The following ENOX1 variants were observed in gnomAD, a reference collection of about 807,000 sequenced individuals.
ENOX1 encodes ecto-NOX disulfide-thiol exchanger 1, also known as candidate growth-related and time keeping constitutive hydroquinone (NADH) oxidase.
A neutral mutation model predicts 82.5 loss-of-function variants in ENOX1; 42 were observed. The ratio of observed to expected loss-of-function variants is 0.51; its 90% CI spans 0.40 to 0.66. ENOX1 has a LOEUF of 0.66. ENOX1 is among the 30% of genes least tolerant of loss of function. The probability of loss-of-function intolerance (pLI) is 0.00; values close to 1 mark genes in which losing one functional copy is unlikely to be tolerated. For missense variants in ENOX1, 608 were observed against 811.6 expected (o/e 0.75, Z 3.05); for synonymous variants, 271 against 282.2 (o/e 0.96, Z 0.40).
chr13:43,638,666 C>T (rs2083504919), intron 2 of ENOX1, among the ~76,000 whole-genome samples: 1 of 152,130 alleles, frequency 6.6e-6, no homozygotes, highest in South Asian at 2.1e-4. Context: ...GTATTTTATT[C>T]TCCAAGGCTG....
chr13:43,705,330 C>CTCTCTCTATATATA (rs141765196), intron 1 of ENOX1, among the ~76,000 whole-genome samples: 27 of 129,848 alleles, frequency 2.1e-4, no homozygotes, highest in African/African-American at 7.8e-4. Context: ...CTCTCTCTCT[C>CTCTCTCTATATATA]TATATATATA....
intron 2 of ENOX1, among the ~76,000 whole-genome samples, chr13:43,555,294 T>A (rs1035337152): frequency 6.6e-6 from 1 of 152,248 alleles, no homozygotes; most frequent in Non-Finnish European, 1.5e-5. Context: ...TCCTCAACCA[T>A]CTGTGTTCTC....
At chr13:43,323,981 A>G (rs1347925397) in intron 10 of ENOX1, among the ~76,000 whole-genome samples, 3 of 152,218 alleles carry the variant, frequency 2.0e-5, no homozygotes, top group African/African-American at 7.2e-5. Flanking sequence ...GCAGAGAGAC[A>G]AGGTCCGAGG....
At chr13:43,768,651 A>G (rs567402238) in intron 1 of ENOX1, among the ~76,000 whole-genome samples, 2 of 152,322 alleles carry the variant, frequency 1.3e-5, no homozygotes, top group African/African-American at 4.8e-5. Flanking sequence ...TAATTTGACA[A>G]TAATAAGTAC....
At chr13:43,393,013 T>C (rs115322800) in intron 5 of ENOX1, among the ~76,000 whole-genome samples, 3,437 of 152,240 alleles carry the variant, frequency 0.023, 137 homozygotes, top group African/African-American at 0.077. Flanking sequence ...TATAAAAAAG[T>C]CTGAGGCAAA....
chr13:43,493,793 C>A (rs1411597014), intron 2 of ENOX1, among the ~76,000 whole-genome samples: 2 of 152,186 alleles, frequency 1.3e-5, no homozygotes, highest in Non-Finnish European at 2.9e-5. Context: ...TAATGCTTTA[C>A]CAGCTATCTG....
At chr13:43,540,088 C>T (rs562350399) in intron 2 of ENOX1, among the ~76,000 whole-genome samples, 2 of 152,228 alleles carry the variant, frequency 1.3e-5, no homozygotes, top group South Asian at 4.1e-4. Flanking sequence ...TAAGTTGGAC[C>T]TTATCCAGTC....
chr13:43,435,623 C>A (rs924402554), intron 3 of ENOX1, among the ~76,000 whole-genome samples: 1 of 152,158 alleles, frequency 6.6e-6, no homozygotes, highest in East Asian at 1.9e-4. Context: ...TATTTCATTT[C>A]TATTTTAAAA....
chr13:43,762,226 T>C (rs1951025664), intron 1 of ENOX1, among the ~76,000 whole-genome samples: 1 of 152,216 alleles, frequency 6.6e-6, no homozygotes, highest in African/African-American at 2.4e-5. Context: ...AAACTACAGA[T>C]GTAGCCACTT....
intron 2 of ENOX1, among the ~76,000 whole-genome samples, chr13:43,569,735 T>G (rs2080088960): frequency 6.6e-6 from 1 of 152,130 alleles, no homozygotes; most frequent in Non-Finnish European, 1.5e-5. Flanking sequence ...CAATCATCAT[T>G]CTCCAACAAT....
chr13:43,616,529 A>G (rs75895641), intron 2 of ENOX1, among the ~76,000 whole-genome samples: 59 of 152,070 alleles, frequency 3.9e-4, no homozygotes, highest in African/African-American at 1.3e-3. Context: ...AATCCTTTCA[A>G]TACACTGGGA....
intron 3 of ENOX1, among the ~76,000 whole-genome samples, chr13:43,468,234 T>A (rs2057824644): frequency 6.6e-6 from 1 of 151,656 alleles, no homozygotes; most frequent in African/African-American, 2.4e-5. Flanking sequence ...CCAGCTGGAG[T>A]GCAGTGGTGT....
At chr13:43,382,374 T>C (rs116602633) in intron 5 of ENOX1, among the ~76,000 whole-genome samples, 179 of 152,276 alleles carry the variant, frequency 1.2e-3, no homozygotes, top group African/African-American at 4.0e-3. Flanking sequence ...ACTTTAAAAC[T>C]ACACATATGA....
intron 2 of ENOX1, among the ~76,000 whole-genome samples, chr13:43,495,259 C>A (rs756033007): frequency 4.6e-5 from 7 of 152,036 alleles, no homozygotes; most frequent in Admixed American, 6.6e-5. Context: ...GATAAATATA[C>A]CTTCCCAAGT....
chr13:43,302,939 C>T (rs1422232551), intron 11 of ENOX1, among the ~76,000 whole-genome samples: 2 of 152,170 alleles, frequency 1.3e-5, no homozygotes, highest in Non-Finnish European at 1.5e-5. Flanking sequence ...CATGCTCAGG[C>T]AAGATGTAAC....
At chr13:43,369,213 C>A (rs1405285199) in intron 5 of ENOX1, among the ~76,000 whole-genome samples, 1 of 152,166 alleles carries the variant, frequency 6.6e-6, no homozygotes, top group African/African-American at 2.4e-5. Context: ...AATACCTGAA[C>A]CTTCTCCCAG....
chr13:43,430,854 CATGG>C (rs1211821917), intron 3 of ENOX1, among the ~76,000 whole-genome samples: 1 of 152,234 alleles, frequency 6.6e-6, no homozygotes, highest in East Asian at 1.9e-4. Flanking sequence ...TTAAATACCA[CATGG>C]ATGCCAAGGC....
chr13:43,456,438 G>T (rs905820115), intron 3 of ENOX1, among the ~76,000 whole-genome samples: 1 of 152,062 alleles, frequency 6.6e-6, no homozygotes, highest in Admixed American at 6.6e-5. Flanking sequence ...TGTAGACAGG[G>T]TGTGCTTTTT....
rs139403056 is a variant in ENOX1, at chr13:43,452,704, G to A, written c.-75+31305C>T. Among the ~76,000 whole-genome samples, 11 of 152,198 alleles carry A rather than the reference G, an allele frequency of 7.2e-5. 1 individual carries two copies. The highest frequency in any genetic ancestry group is 2.6e-4 in the African/African-American group (11 of 41,544). ...CACCTGGCTAATTTTTGTATTCTTA[G>A]TAGAGATTGGGTTTCCCTATGTTGA... On this transcript the variant is annotated intron_variant, in intron 3 of 16. Transcript: ENST00000690772.
Sources: gnomAD v4.1 joint callset for allele counts (sites outside exome capture counted in the v4.1 genomes callset) on GRCh38, gnomAD v4.1.1 for gene constraint, MANE v1.5 for transcripts, NCBI Gene and HGNC (gene_info 2026-07-23, HGNC 2026-07-21) for gene names.